PSEN1: variants seen among roughly 807,000 people sequenced by gnomAD.
The protein encoded by PSEN1 is presenilin 1.
Under a neutral mutation model 53.5 loss-of-function variants are expected in PSEN1, and 15 were observed. The ratio of observed to expected loss-of-function variants is 0.28; its 90% CI spans 0.19 to 0.43. The LOEUF is 0.43. Among genes scored for constraint, PSEN1 ranks in the 20% least tolerant of loss-of-function variants. The pLI, the probability that PSEN1 is intolerant of heterozygous loss-of-function variation, is 1.00. For synonymous variants in PSEN1, 208 were observed against 209.8 expected (o/e 0.99, Z 0.08); for missense variants, 387 against 571.2 (o/e 0.68, Z 3.29).
intron 10 of PSEN1, among the ~76,000 whole-genome samples, chr14:73,214,530 C>CAA (rs555608494): frequency 1.8e-4 from 13 of 74,078 alleles, no homozygotes; most frequent in South Asian, 1.1e-3. Context: ...AACTCCATCT[C>CAA]AAAAAAAAAA....
chr14:73,178,886 G>C (rs1305504332), intron 5 of PSEN1, among the ~76,000 whole-genome samples: 1 of 152,104 alleles, frequency 6.6e-6, no homozygotes, highest in Non-Finnish European at 1.5e-5. Flanking sequence ...GCTCAGATCT[G>C]CCCCATGTAT....
rs371011840 is a variant in PSEN1 at position 73,217,253 on chromosome 14, A to G, written c.1248+9A>G. ...TCGTAGCCATATTAATTGTAAGTAT[A>G]CACTAATAAGAATGTGTCAGAGCTC... is the stretch of plus-strand genomic sequence containing the variant. On this transcript the variant is annotated intron_variant, in intron 11 of 11. Coordinates refer to ENST00000324501, the MANE Select transcript of PSEN1 (RefSeq NM_000021.4). The G allele has an allele frequency of 6.2e-7, 1 of 1,614,018 alleles. No homozygotes were observed. The highest frequency in any genetic ancestry group is 1.1e-5 in the South Asian group (1 of 91,084).
At chr14:73,156,943 T>C (rs1897374856) in intron 3 of PSEN1, among the ~76,000 whole-genome samples, 1 of 152,078 alleles carries the variant, frequency 6.6e-6, no homozygotes, top group Non-Finnish European at 1.5e-5. Context: ...ATTACAGGCA[T>C]GAGCCACCAC....
intron 3 of PSEN1, among the ~76,000 whole-genome samples, chr14:73,166,049 A>AAATAATAAT (rs34006824): frequency 2.7e-5 from 4 of 149,220 alleles, no homozygotes; most frequent in East Asian, 3.9e-4. Flanking sequence ...TCTGTCTCCA[A>AAATAATAAT]AATAATAATA....
rs771477972 is a variant in PSEN1, at chr14:73,148,111, A to G, written c.87+5A>G. The G allele has an allele frequency of 3.1e-6, 5 of 1,609,128 alleles. No individual in the cohort carries two copies. The South Asian group carries it at 4.4e-5, about 14-fold the overall frequency. On this transcript the variant is annotated splice_donor_5th_base_variant and intron_variant, in intron 3 of 11. Coordinates refer to ENST00000324501, the MANE Select transcript of PSEN1 (RefSeq NM_000021.4). ...AGCAATACTGTACGTAGCCAGGTAC[A>G]GTGTCAGTCTCTGAAACTGCCTTTG...
At chr14:73,197,146 G>A (rs937772219) in intron 7 of PSEN1, among the ~76,000 whole-genome samples, 3 of 152,022 alleles carry the variant, frequency 2.0e-5, no homozygotes, top group Admixed American at 1.3e-4. Flanking sequence ...TGTTAGCCAG[G>A]ATGGTCTTGA....
chr14:73,161,996 A>T, intron 3 of PSEN1, among the ~76,000 whole-genome samples: 1 of 149,190 alleles, frequency 6.7e-6, no homozygotes, highest in African/African-American at 2.4e-5. Flanking sequence ...TTCCACTAAA[A>T]AAAAAAAAAA....
At chr14:73,185,791 C>T (rs187705894) in intron 5 of PSEN1, among the ~76,000 whole-genome samples, 247 of 152,222 alleles carry the variant, frequency 1.6e-3, no homozygotes, top group Admixed American at 3.2e-3. Flanking sequence ...CCTCATGATC[C>T]GCCTGCCGTG....
At chr14:73,215,850 A>G (rs1899892210) in intron 10 of PSEN1, among the ~76,000 whole-genome samples, 1 of 152,224 alleles carries the variant, frequency 6.6e-6, no homozygotes, top group African/African-American at 2.4e-5. Context: ...TTGCTGGTGG[A>G]AATTCAGACT....
At chr14:73,175,437 T>C (rs1374501217) in intron 5 of PSEN1, among the ~76,000 whole-genome samples, 2 of 152,008 alleles carry the variant, frequency 1.3e-5, no homozygotes, top group East Asian at 3.9e-4. Flanking sequence ...AGGTCAGGGG[T>C]TTGAGACCAG....
At chr14:73,162,523 A>C (rs1016921777) in intron 3 of PSEN1, among the ~76,000 whole-genome samples, 1 of 151,622 alleles carries the variant, frequency 6.6e-6, no homozygotes, top group East Asian at 2.0e-4. Context: ...AGTGAGAGAG[A>C]GAGCACGTAT....
chr14:73,150,705 CA>C (rs938856305), intron 3 of PSEN1, among the ~76,000 whole-genome samples: 2 of 135,048 alleles, frequency 1.5e-5, no homozygotes, highest in African/African-American at 5.6e-5. Flanking sequence ...GTGGAGGTTG[CA>C]GTGAGCCAAG....
At chr14:73,217,557 A>G (rs1490663728) in intron 11 of PSEN1, among the ~76,000 whole-genome samples, 1 of 152,154 alleles carries the variant, frequency 6.6e-6, no homozygotes, top group African/African-American at 2.4e-5. Flanking sequence ...AGCAGCACAG[A>G]TATGTAGGAA....
chr14:73,203,655 G>A (rs1899323131), intron 8 of PSEN1, among the ~76,000 whole-genome samples: 1 of 152,106 alleles, frequency 6.6e-6, no homozygotes, highest in South Asian at 2.1e-4. Context: ...AAATGTATGA[G>A]CATTTTTGTT....
chr14:73,219,041 A>G lies in PSEN1; in HGVS notation c.1249-93A>G, dbSNP rs867094741. The G allele has an allele frequency of 6.8e-6, 9 of 1,321,100 alleles. No homozygotes were observed. In the Middle Eastern group the frequency reaches 1.1e-3, roughly 160 times the overall value. The allele number at this position is 1,321,100 out of a possible 1,614,324, so 81.8% of individuals were successfully genotyped here. A position where few individuals can be genotyped will look rare whatever the true frequency, so the allele number is the denominator to read the frequency against. On this transcript the variant is annotated intron_variant, in intron 11 of 11. Transcript: ENST00000324501. Reference sequence around the variant, plus strand: ...ACCCCAAAAGGAAAATATTCAGTTAACTATGTTAAAAACCAAGACTTGTGA... The same window carrying G: ...ACCCCAAAAGGAAAATATTCAGTTAGCTATGTTAAAAACCAAGACTTGTGA...
intron 9 of PSEN1, among the ~76,000 whole-genome samples, chr14:73,206,712 C>A (rs951146316): frequency 4.6e-5 from 7 of 152,026 alleles, no homozygotes; most frequent in Admixed American, 6.6e-5. Flanking sequence ...AGAATACCAG[C>A]ATGGAAAGGT....
At chr14:73,217,286 C>T in intron 11 of PSEN1, 42 bp downstream of exon 11, 1 of 1,609,562 alleles carries the variant, frequency 6.2e-7, no homozygotes, top group Non-Finnish European at 8.5e-7. Context: ...CTCTTAATGT[C>T]AAAACTTTGA....
At chr14:73,213,411 T>TA (rs902040473) in intron 10 of PSEN1, among the ~76,000 whole-genome samples, 77 of 145,960 alleles carry the variant, frequency 5.3e-4, no homozygotes, top group South Asian at 1.3e-3. Context: ...CTCCAACTTT[T>TA]AAAAAAAAAA....
chr14:73,196,916 T>TTTTC (rs1241921005), intron 7 of PSEN1, among the ~76,000 whole-genome samples: 22 of 150,662 alleles, frequency 1.5e-4, no homozygotes, highest in African/African-American at 3.7e-4. Context: ...ATATTCTGAA[T>TTTTC]TTTCTTTCTT....
Sources: allele counts gnomAD v4.1 joint callset (sites outside exome capture counted in the v4.1 genomes callset), GRCh38; gene constraint gnomAD v4.1.1; transcripts MANE v1.5; gene names NCBI Gene and HGNC (gene_info 2026-07-23, HGNC 2026-07-21).